PTPRM: variants seen among roughly 807,000 people sequenced by gnomAD.
PTPRM encodes the protein protein tyrosine phosphatase receptor type M, also known as receptor-type tyrosine-protein phosphatase mu.
A neutral mutation model predicts 186.7 loss-of-function variants in PTPRM; 47 were observed. That is an observed-to-expected ratio of 0.25 (90% CI 0.20 to 0.32). The LOEUF is 0.32. Among genes scored for constraint, PTPRM ranks in the 10% least tolerant of loss-of-function variants. The pLI is 1.00. For synonymous variants in PTPRM, 668 were observed against 674.9 expected (o/e 0.99, Z 0.16); for missense variants, 1,494 against 1,865.0 (o/e 0.80, Z 3.66).
At chr18:7,981,013 T>C (rs888552058) in intron 7 of PTPRM, among the ~76,000 whole-genome samples, 20 of 152,080 alleles carry the variant, frequency 1.3e-4, no homozygotes, top group Admixed American at 6.6e-5. Flanking sequence ...TCTCCATCAG[T>C]TCCCCTTGTT....
At chr18:8,209,989 TAAAAA>T (rs67547673) in intron 14 of PTPRM, among the ~76,000 whole-genome samples, 6 of 78,694 alleles carry the variant, frequency 7.6e-5, no homozygotes, top group East Asian at 6.1e-4. Context: ...GAAGTAAAAT[TAAAAA>T]AAAAAAAAAA....
chr18:8,054,136 G>A (rs914852797), intron 7 of PTPRM, among the ~76,000 whole-genome samples: 6 of 151,556 alleles, frequency 4.0e-5, no homozygotes, highest in African/African-American at 9.7e-5. Context: ...GAACCTCCAG[G>A]AAAATGTTAT....
chr18:8,335,521 T>C (rs2095434259), intron 22 of PTPRM, among the ~76,000 whole-genome samples: 2 of 152,216 alleles, frequency 1.3e-5, no homozygotes, highest in Admixed American at 1.3e-4. Context: ...AGTGTATTTG[T>C]TAATAAGAGA....
Position 8,157,893 on chromosome 18 carries a change from A to G in PTPRM, c.2300+14114A>G, listed in dbSNP as rs1274983732. ...CCACCTGGGGTGGGAACAGAAGGAC[A>G]GCATCACTGTCTTCGGTGTGCATAA... On this transcript the variant is annotated intron_variant, in intron 14 of 32. Transcript: ENST00000580170. Among the ~76,000 whole-genome samples, 3 of 152,218 alleles carry G rather than the reference A, an allele frequency of 2.0e-5. No individual in the cohort carries two copies. The East Asian group carries it at 5.8e-4, about 29-fold the overall frequency.
chr18:8,280,756 T>G (rs1486589315), intron 19 of PTPRM, among the ~76,000 whole-genome samples: 1 of 152,144 alleles, frequency 6.6e-6, no homozygotes, highest in Non-Finnish European at 1.5e-5. Flanking sequence ...CCTTACGTTC[T>G]TGTTCTGGAG....
At chr18:8,064,784 C>A (rs1228327253) in intron 7 of PTPRM, among the ~76,000 whole-genome samples, 1 of 152,136 alleles carries the variant, frequency 6.6e-6, no homozygotes, top group Non-Finnish European at 1.5e-5. Context: ...GGCCATGTAC[C>A]CAGAATCGTT....
chr18:8,191,848 T>C lies in PTPRM; in HGVS notation c.2300+48069T>C, dbSNP rs2093714234. Among the ~76,000 whole-genome samples, 4 of 152,232 alleles carry C rather than the reference T, an allele frequency of 2.6e-5. No individual in the cohort carries two copies. In the South Asian group the frequency reaches 8.3e-4, roughly 32 times the overall value. ...TATATGAAACAAGCTCACCCTGAGA[T>C]TGTATATAGATGGAAGCAGATGAAT... On this transcript the variant is annotated intron_variant, in intron 14 of 32. Transcript: ENST00000580170.
chr18:8,402,510 A>G (rs576940559), intron 32 of PTPRM, among the ~76,000 whole-genome samples: 18 of 152,346 alleles, frequency 1.2e-4, no homozygotes, highest in African/African-American at 4.3e-4. Flanking sequence ...TTAAAAGGAA[A>G]TATGTTAAAA....
chr18:7,620,154 A>G (rs2037903116), intron 1 of PTPRM, among the ~76,000 whole-genome samples: 1 of 152,176 alleles, frequency 6.6e-6, no homozygotes, highest in African/African-American at 2.4e-5. Flanking sequence ...AGAACTTCCC[A>G]TGGTGATGTG....
intron 2 of PTPRM, among the ~76,000 whole-genome samples, chr18:7,843,327 C>G (rs553683305): frequency 6.6e-6 from 1 of 152,260 alleles, no homozygotes; most frequent in African/African-American, 2.4e-5. Flanking sequence ...TGGCTGTTTT[C>G]TTTAACTTAG....
intron 7 of PTPRM, among the ~76,000 whole-genome samples, chr18:8,008,134 G>T (rs915715492): frequency 6.6e-6 from 1 of 152,188 alleles, no homozygotes; most frequent in African/African-American, 2.4e-5. Context: ...GACTGAAGTG[G>T]CATTGGGTTG....
intron 14 of PTPRM, among the ~76,000 whole-genome samples, chr18:8,152,712 C>CTTTTTTTTTTTTTTTTTTTTTTTTTT (rs35112154): frequency 1.8e-5 from 1 of 56,928 alleles, no homozygotes; most frequent in Non-Finnish European, 2.9e-5. Context: ...TGCCTCACCT[C>CTTTTTTTTTTTTTTTTTTTTTTTTTT]TTTTTTTTTT....
At chr18:8,299,005 A>C (rs1373178932) in intron 20 of PTPRM, among the ~76,000 whole-genome samples, 2 of 152,150 alleles carry the variant, frequency 1.3e-5, no homozygotes, top group Non-Finnish European at 2.9e-5. Flanking sequence ...AGTCCCAGCT[A>C]CTCAGGAGGC....
In PTPRM at chr18:7,795,650, A is replaced by G. The variant is rs114462539; in HGVS notation, c.196+21379A>G. ...TTAGCTATTCATCTTCTGCCTTCCT[A>G]TTGGTACTTTCTCTATTTTGGCAAA... On this transcript the variant is annotated intron_variant, in intron 2 of 32. Coordinates refer to ENST00000580170, the MANE Select transcript of PTPRM (RefSeq NM_001105244.2). Among the ~76,000 whole-genome samples, 1,488 of 152,058 alleles carry G rather than the reference A, an allele frequency of 9.8e-3. 18 individuals are homozygous for G. The highest frequency in any genetic ancestry group is 0.033 in the African/African-American group (1,378 of 41,482).
chr18:7,853,460 AG>A (rs2046959487), intron 2 of PTPRM, among the ~76,000 whole-genome samples: 1 of 152,222 alleles, frequency 6.6e-6, no homozygotes, highest in African/African-American at 2.4e-5. Context: ...TGTTAGCAGA[AG>A]TCTTACCCCA....
intron 2 of PTPRM, among the ~76,000 whole-genome samples, chr18:7,781,956 C>T (rs1376711706): frequency 6.6e-6 from 1 of 152,110 alleles, no homozygotes; most frequent in Non-Finnish European, 1.5e-5. Context: ...GAGCATTCGT[C>T]CTCCCTAGGT....
chr18:8,273,589 G>A (rs1238533997), intron 19 of PTPRM, among the ~76,000 whole-genome samples: 1 of 152,092 alleles, frequency 6.6e-6, no homozygotes, highest in African/African-American at 2.4e-5. Context: ...TCATTGCATT[G>A]CTGAACCTTC....
chr18:7,570,091 AC>A (rs2036531430), intron 1 of PTPRM, among the ~76,000 whole-genome samples: 1 of 152,146 alleles, frequency 6.6e-6, no homozygotes, highest in African/African-American at 2.4e-5. Flanking sequence ...GCACCACTGC[AC>A]CCCAGCCTGG....
chr18:7,988,603 A>AT (rs1160400256), intron 7 of PTPRM, among the ~76,000 whole-genome samples: 2 of 151,886 alleles, frequency 1.3e-5, no homozygotes, highest in Admixed American at 1.3e-4. Context: ...CTTTTATTCT[A>AT]TTTTCTTTCT....
Sources: gnomAD v4.1 joint callset for allele counts (sites outside exome capture counted in the v4.1 genomes callset) on GRCh38, gnomAD v4.1.1 for gene constraint, MANE v1.5 for transcripts, NCBI Gene and HGNC (gene_info 2026-07-23, HGNC 2026-07-21) for gene names.